The following DEPDC4 variants were observed in gnomAD, a reference collection of about 807,000 sequenced individuals.
DEPDC4 encodes DEP domain-containing protein 4.
In DEPDC4, 52 loss-of-function variants were observed where a neutral mutation model predicts 52.0. The ratio of observed to expected loss-of-function variants is 1.00; its 90% CI spans 0.80 to 1.26. DEPDC4 has a LOEUF of 1.26. DEPDC4 is among the 50% of genes most tolerant of loss of function. DEPDC4 has a pLI of 0.00. For missense variants in DEPDC4, 530 were observed against 546.9 expected (o/e 0.97, Z 0.31); for synonymous variants, 201 against 196.8 (o/e 1.02, Z -0.18).
chr12:100,236,045 G>C (rs954842233), downstream of DEPDC4, among the ~76,000 whole-genome samples: 1 of 152,136 alleles, frequency 6.6e-6, no homozygotes, highest in Non-Finnish European at 1.5e-5. Context: ...TGGCTGCATA[G>C]TATTCCATTG....
rs745530351 is a variant in DEPDC4, at chr12:100,263,692, C to G, written c.359G>C (p.Gly120Ala). The change falls in exon 2 of 10, where the codon GGG (glycine) becomes GCG (alanine). Residue 120 changes from glycine to alanine, a missense_variant. Gly to Ala is a moderately conservative substitution (Grantham distance 60). Coordinates refer to ENST00000550587, the MANE Select transcript of DEPDC4 (RefSeq NM_001364818.2). ...LSSNDISCLK[G>A]VHLCQVLMNH... ...CATTAGAACTTGGCAAAGATGAACC[C>G]CTTTAAGACAAGAGATGTCATTGCT... 6.2e-7 allele frequency: 1 copy of G among 1,614,052 alleles called. No homozygotes were observed. The highest frequency in any genetic ancestry group is 1.1e-5 in the South Asian group (1 of 91,070).
chr12:100,252,236 T>C lies in DEPDC4; in HGVS notation c.1314A>G (p.Leu438=), dbSNP rs2096210957. The change falls in exon 7 of 10, where the codon TTA becomes TTG. Residue 438 remains leucine (L), a synonymous_variant. Coordinates refer to ENST00000550587, the MANE Select transcript of DEPDC4 (RefSeq NM_001364818.2). ...AGACCAGTTGTTCTGCCCGCACTTT[T>C]AATAATGATTTGGCTTGCAAAACTG... ...AKSVLQAKSL[L]KVRAEQLVWF... The C allele has an allele frequency of 7.4e-7, 1 of 1,343,816 alleles. No individual in the cohort carries two copies. The highest frequency in any genetic ancestry group is 9.6e-7 in the Non-Finnish European group (1 of 1,042,100). The allele number at this position is 1,343,816 out of a possible 1,614,324, so 83.2% of individuals were successfully genotyped here. A position where few individuals can be genotyped will look rare whatever the true frequency, so the allele number is the denominator to read the frequency against.
At chr12:100,234,002 G>A (rs569515518) in intron 9 of DEPDC4, among the ~76,000 whole-genome samples, 34 of 152,248 alleles carry the variant, frequency 2.2e-4, no homozygotes, top group Non-Finnish European at 4.9e-4. Flanking sequence ...AGCTACTCAG[G>A]AGGCTGAGGT....
chr12:100,236,354 A>G (rs112347111), downstream of DEPDC4, among the ~76,000 whole-genome samples: 9,635 of 149,532 alleles, frequency 0.064, 333 homozygotes, highest in Middle Eastern at 0.14. Context: ...GCCAACATCT[A>G]TTTTTTTTTT....
intron 3 of DEPDC4, among the ~76,000 whole-genome samples, chr12:100,262,049 TGTA>T (rs2096255325): frequency 1.3e-5 from 2 of 152,196 alleles, no homozygotes. Context: ...GTGAAAATGA[TGTA>T]TCAATGTAGA....
At chr12:100,274,083 A>C in the DEPDC4 span, among the ~76,000 whole-genome samples, 2 of 152,234 alleles carry the variant, frequency 1.3e-5, no homozygotes, top group African/African-American at 2.4e-5. Context: ...ACAAAAATGC[A>C]GCATTAAATT....
rs1281727818 is a variant in DEPDC4, at chr12:100,263,835, C to T, written c.216G>A (p.Gln72=). The change falls in exon 2 of 10, where the codon CAG becomes CAA. Residue 72 remains glutamine (Q), a synonymous_variant. Coordinates refer to ENST00000550587, the MANE Select transcript of DEPDC4 (RefSeq NM_001364818.2). ...TCCTTCTTTTTATTTCCACTTGGGC[C>T]TGAAGAGAGTGAATAATACCATCCC... ...QLWDGIIHSL[Q]AQVEIKRRRH... is the part of the protein sequence containing the mutation. 3 of 1,614,054 alleles carry T rather than the reference C, an allele frequency of 1.9e-6. No individual in the cohort carries two copies. The highest frequency in any genetic ancestry group is 1.3e-5 in the African/African-American group (1 of 75,012).
Position 100,259,939 on chromosome 12 carries a change from CTA to C in DEPDC4, c.700+2323_700+2324del, listed in dbSNP as rs550592228. Among the ~76,000 whole-genome samples the C allele has an allele frequency of 4.3e-3, 638 of 148,006 alleles. 4 individuals carry two copies. Among genetic ancestry groups the C allele is most frequent in the African/African-American group, 0.015 (619 of 40,390 alleles). ...TTAGAGTGACAGCTTTCATTCCCTC[CTA>C]TGTCTTTTTTTTTTTTTTAATGTGA... On this transcript the variant is annotated intron_variant, in intron 3 of 9. Coordinates refer to ENST00000550587, the MANE Select transcript of DEPDC4 (RefSeq NM_001364818.2).
upstream of DEPDC4, among the ~76,000 whole-genome samples, chr12:100,269,775 A>C (rs965438341): frequency 6.6e-6 from 1 of 152,150 alleles, no homozygotes; most frequent in Non-Finnish European, 1.5e-5. Context: ...TTTGCTGTTC[A>C]TCAGAATCAC....
chr12:100,245,320 G>A (rs75460639), intron 8 of DEPDC4, among the ~76,000 whole-genome samples: 52 of 152,108 alleles, frequency 3.4e-4, no homozygotes, highest in Admixed American at 2.4e-3. Context: ...AGGCTGGAGC[G>A]TAGTGGCGAG....
chr12:100,263,556 T>C lies in DEPDC4; in HGVS notation c.495A>G (p.Ser165=), dbSNP rs2096261347. The C allele has an allele frequency of 6.2e-7, 1 of 1,608,838 alleles. No homozygotes were observed. The highest frequency in any genetic ancestry group is 8.5e-7 in the Non-Finnish European group (1 of 1,178,484). ...TTTGTCTTTTGCAACAATCGTAAGATGATTTATTGCCTAGAAACCTGTAGA... is the reference window on the plus strand; with the variant it reads ...TTTGTCTTTTGCAACAATCGTAAGACGATTTATTGCCTAGAAACCTGTAGA... ...ISLYRFLGNK[S]SYDCCKRQKD... is the part of the protein sequence containing the mutation. Residue 165 remains serine, a synonymous_variant, in exon 2 of 10, where the codon TCA becomes TCG. Transcript: ENST00000550587.
intron 7 of DEPDC4, among the ~76,000 whole-genome samples, chr12:100,251,342 A>C (rs2153909241): frequency 6.6e-6 from 1 of 152,306 alleles, no homozygotes. Context: ...CTAAAATATA[A>C]TAGTGAGGCT....
Position 100,241,693 on chromosome 12 carries a change from G to GT in DEPDC4, c.*198dup. Reference sequence around the variant, plus strand: ...TGTTAATTCAAAGCTTCTGGATGGTGTTTTTGAAATTCCTTAATTAATTTC... The same window carrying GT: ...TGTTAATTCAAAGCTTCTGGATGGTGTTTTTTGAAATTCCTTAATTAATTTC... On this transcript the variant is annotated 3_prime_UTR_variant, in exon 10 of 10. Transcript: ENST00000550587. 1 of 1,253,506 alleles carries GT rather than the reference G, an allele frequency of 8.0e-7. No homozygotes were observed. The highest frequency in any genetic ancestry group is 1.4e-5 in the South Asian group (1 of 73,320). 77.6% of individuals were successfully genotyped at this position (1,253,506 alleles called of 1,614,324 possible).
chr12:100,249,030 G>C, intron 7 of DEPDC4, 52 bp from the exon 8 acceptor site: 1 of 774,238 alleles, frequency 1.3e-6, no homozygotes, highest in Non-Finnish European at 1.6e-6. Context: ...TTTCTAGCCA[G>C]CATTTCAACA....
intron 7 of DEPDC4, among the ~76,000 whole-genome samples, chr12:100,249,835 G>A (rs76395155): frequency 0.013 from 2,033 of 152,228 alleles, 45 homozygotes; most frequent in African/African-American, 0.044. Context: ...TCAAGTTCCC[G>A]AATTTATGGG....
At chr12:100,273,781 A>G in the DEPDC4 span, among the ~76,000 whole-genome samples, 1 of 152,130 alleles carries the variant, frequency 6.6e-6, no homozygotes, top group Non-Finnish European at 1.5e-5. Context: ...TTTCCATAGC[A>G]TGTACATTCT....
At chr12:100,253,804 CTTAT>C (rs1434067293) in intron 4 of DEPDC4, 89 bp from the exon 5 acceptor site, 2 of 640,318 alleles carry the variant, frequency 3.1e-6, no homozygotes, top group African/African-American at 3.9e-5. Context: ...AAAAATCTGG[CTTAT>C]TTAAGCTAGA....
intron 1 of DEPDC4, among the ~76,000 whole-genome samples, chr12:100,264,375 A>C (rs2096264496): frequency 6.6e-6 from 1 of 152,110 alleles, no homozygotes; most frequent in South Asian, 2.1e-4. Flanking sequence ...TGTTTAAACC[A>C]GCTGTTTAAA....
At chr12:100,255,824 A>G in intron 4 of DEPDC4, 1 of 317,676 alleles carries the variant, frequency 3.1e-6, no homozygotes, top group African/African-American at 2.1e-5. Context: ...AAGATGATTG[A>G]CATACAAATG....
Sources: gnomAD v4.1 joint callset for allele counts (sites outside exome capture counted in the v4.1 genomes callset) on GRCh38, gnomAD v4.1.1 for gene constraint, MANE v1.5 for transcripts, NCBI Gene and HGNC (gene_info 2026-07-23, HGNC 2026-07-21) for gene names.